Variants in NDUFA10 observed in about 807,000 individuals in gnomAD.
NDUFA10 encodes NADH dehydrogenase [ubiquinone] 1 alpha subcomplex subunit 10, mitochondrial.
A neutral mutation model predicts 47.8 loss-of-function variants in NDUFA10; 40 were observed. The ratio of observed to expected loss-of-function variants is 0.84; its 90% CI spans 0.65 to 1.09. The LOEUF is 1.09. Ranked by LOEUF, NDUFA10 falls within the 50% of genes least tolerant of loss-of-function variation. The probability of loss-of-function intolerance (pLI) is 0.00; values close to 1 mark genes in which losing one functional copy is unlikely to be tolerated. For missense variants in NDUFA10, 413 were observed against 451.1 expected (o/e 0.92, Z 0.76); for synonymous variants, 183 against 172.2 (o/e 1.06, Z -0.49).
At chr2:239,899,008 G>A (rs569656060) in intron 4 of NDUFA10, among the ~76,000 whole-genome samples, 4 of 104,156 alleles carry the variant, frequency 3.8e-5, no homozygotes, top group Admixed American at 1.0e-4. Flanking sequence ...GGAGAGGTGT[G>A]ATGGAGGGGA....
chr2:240,017,623 C>CCA (rs774591979), intron 4 of NDUFA10, among the ~76,000 whole-genome samples: 4 of 152,198 alleles, frequency 2.6e-5, no homozygotes, highest in Non-Finnish European at 5.9e-5. Flanking sequence ...AGAGAGCCTG[C>CCA]CACACCACAG....
intron 9 of NDUFA10, chr2:239,983,688 C>T (rs1457013785): frequency 6.4e-7 from 1 of 1,573,842 alleles, no homozygotes; most frequent in East Asian, 2.3e-5. Context: ...CTGTGGATTC[C>T]TCCCCAAAAC....
chr2:239,903,034 A>G (rs1233468364), intron 4 of NDUFA10, among the ~76,000 whole-genome samples: 2 of 152,192 alleles, frequency 1.3e-5, no homozygotes, highest in African/African-American at 4.8e-5. Flanking sequence ...GTGGAAAGGC[A>G]GGCCCGGAAC....
chr2:239,958,836 A>T lies in NDUFA10; in HGVS notation c.*2282T>A. The T allele has an allele frequency of 1.5e-6, 1 of 683,286 alleles. No individual in the cohort carries two copies. The highest frequency in any genetic ancestry group is 1.8e-6 in the Non-Finnish European group (1 of 554,398). 42.3% of individuals were successfully genotyped at this position (683,286 alleles called of 1,614,324 possible). On this transcript the variant is annotated 3_prime_UTR_variant, in exon 10 of 10. Coordinates refer to ENST00000252711, the MANE Select transcript of NDUFA10 (RefSeq NM_004544.4). Reference sequence around the variant, plus strand: ...TGTATGAATAAAATCCAGACACAAAACCATACTGCTGCAACAGCATGATTA... The same window carrying T: ...TGTATGAATAAAATCCAGACACAAATCCATACTGCTGCAACAGCATGATTA...
intron 4 of NDUFA10, among the ~76,000 whole-genome samples, chr2:239,899,439 GTGGAGGGTTGTGA>G (rs1422674349): frequency 2.9e-5 from 3 of 102,322 alleles, no homozygotes; most frequent in East Asian, 2.7e-4. Flanking sequence ...ATGGAGGAAT[GTGGAGGGTTGTGA>G]TGGAGGGGTG....
intron 9 of NDUFA10, among the ~76,000 whole-genome samples, chr2:239,988,727 C>A (rs1228188732): frequency 1.3e-5 from 2 of 152,232 alleles, no homozygotes; most frequent in Non-Finnish European, 2.9e-5. Context: ...CTGGCCTACA[C>A]AAGAGCAGCA....
chr2:239,993,626 T>C (rs1000058797), intron 8 of NDUFA10, among the ~76,000 whole-genome samples: 1 of 152,018 alleles, frequency 6.6e-6, no homozygotes, highest in Non-Finnish European at 1.5e-5. Flanking sequence ...AGGGTCACTG[T>C]GACTTTTTAA....
In NDUFA10 at chr2:239,915,587, CAG is replaced by C. The variant is rs773394745; in HGVS notation, c.295-20275_295-20274del. On this transcript the variant is annotated intron_variant, in intron 4 of 5. Coordinates refer to the NDUFA10 transcript ENST00000419408. ...AGACACAAATATACAGACACACACA[CAG>C]AGATACACATACACACACACACACA... Among the ~76,000 whole-genome samples the C allele has an allele frequency of 1.5e-4, 22 of 148,086 alleles. No individual in the cohort carries two copies. In the East Asian group the frequency reaches 3.4e-3, roughly 23 times the overall value.
intron 9 of NDUFA10, among the ~76,000 whole-genome samples, chr2:239,985,591 T>C (rs1018423539): frequency 2.0e-5 from 3 of 151,542 alleles, no homozygotes; most frequent in African/African-American, 4.9e-5. Context: ...AGAGAAAATA[T>C]GGCAAGAGTA....
At chr2:239,952,974 AC>A (rs1341303547), downstream of NDUFA10, among the ~76,000 whole-genome samples, 1 of 152,206 alleles carries the variant, frequency 6.6e-6, no homozygotes, top group Non-Finnish European at 1.5e-5. Flanking sequence ...CTGAAGGGCC[AC>A]CCAGAGCAGG....
chr2:240,008,599 A>G (rs1322930932), intron 6 of NDUFA10, among the ~76,000 whole-genome samples: 1 of 152,228 alleles, frequency 6.6e-6, no homozygotes, highest in Admixed American at 6.5e-5. Context: ...GCACAGAAAC[A>G]TTATTTGTTC....
At chr2:240,006,875 T>G (rs933587505) in intron 7 of NDUFA10, among the ~76,000 whole-genome samples, 2 of 152,270 alleles carry the variant, frequency 1.3e-5, no homozygotes, top group African/African-American at 4.8e-5. Flanking sequence ...AGGGCAAATG[T>G]TCTTTCGTTA....
In NDUFA10 at chr2:239,961,214, T is replaced by A. The variant is rs1326585160; in HGVS notation, c.1000-28A>T. The A allele has an allele frequency of 2.5e-6, 4 of 1,613,962 alleles. No homozygotes were observed. The East Asian group carries it at 6.7e-5, about 27-fold the overall frequency. Reference sequence around the variant, plus strand: ...GTGGGGGAAAAAGGCATTGGTGCATTCTGTTTAACGTGAATGAATGTTTCC... The same window carrying A: ...GTGGGGGAAAAAGGCATTGGTGCATACTGTTTAACGTGAATGAATGTTTCC... On this transcript the variant is annotated intron_variant, in intron 9 of 9. Transcript: ENST00000252711.
chr2:239,898,971 T>G (rs1182040120), intron 4 of NDUFA10, among the ~76,000 whole-genome samples: 1 of 113,630 alleles, frequency 8.8e-6, no homozygotes, highest in Non-Finnish European at 1.9e-5. Flanking sequence ...CAGGGTGTGA[T>G]GAAGAGGTAT....
intron 4 of NDUFA10, among the ~76,000 whole-genome samples, chr2:239,943,643 T>A (rs1202606813): frequency 6.6e-6 from 1 of 152,222 alleles, no homozygotes; most frequent in African/African-American, 2.4e-5. Flanking sequence ...ATTTTTTTAA[T>A]GTCCATGAGC....
intron 2 of NDUFA10, among the ~76,000 whole-genome samples, chr2:240,021,649 C>T (rs1280606837): frequency 3.3e-5 from 5 of 152,222 alleles, no homozygotes; most frequent in Non-Finnish European, 7.3e-5. Flanking sequence ...CAGGTTCCTC[C>T]TGAAAGGACT....
rs544512667 is a variant in NDUFA10, at chr2:239,960,753, C to T, written c.*365G>A. The T allele has an allele frequency of 3.3e-6, 4 of 1,202,994 alleles. No homozygotes were observed. The highest frequency in any genetic ancestry group is 5.1e-5 in the East Asian group (1 of 19,448). The allele number at this position is 1,202,994 out of a possible 1,614,324, so 74.5% of individuals were successfully genotyped here. A position where few individuals can be genotyped will look rare whatever the true frequency, so the allele number is the denominator to read the frequency against. ...CGATGGGGAAATTCCCATGGAAACACTTTTATTTCTGGAAGTCAGAAGAAA... is the reference window on the plus strand; with the variant it reads ...CGATGGGGAAATTCCCATGGAAACATTTTTATTTCTGGAAGTCAGAAGAAA... On this transcript the variant is annotated 3_prime_UTR_variant, in exon 10 of 10. Coordinates refer to ENST00000252711, the MANE Select transcript of NDUFA10 (RefSeq NM_004544.4).
rs1042291959 is a variant in NDUFA10, at chr2:239,928,591, C to G, written c.295-33277G>C. 2.3e-4 allele frequency among the ~76,000 whole-genome samples: 35 copies of G among 152,294 alleles called. No individual in the cohort carries two copies. The highest frequency in any genetic ancestry group is 8.2e-4 in the African/African-American group (34 of 41,544). On this transcript the variant is annotated intron_variant, in intron 4 of 5. Transcript: ENST00000419408. This position sits in a 1 kb window ranked among gnomAD's most constrained non-coding sequence, Gnocchi z 4.3. ...TGTGACAGCGACATCTCGTTTCCAACTATGCTCTCCCCACAGGTGACCTCA... is the reference window on the plus strand; with the variant it reads ...TGTGACAGCGACATCTCGTTTCCAAGTATGCTCTCCCCACAGGTGACCTCA...
In NDUFA10 at chr2:240,025,315, G is replaced by C. The variant is rs1697821735; in HGVS notation, c.-14C>G. On this transcript the variant is annotated 5_prime_UTR_variant, in exon 1 of 10. Transcript: ENST00000252711. ...CCGCAAGGCCATGGCTACCCGGTCA[G>C]CTCAGGATCAAGGACCCAAGGGGAC... 3 of 1,498,604 alleles carry C rather than the reference G, an allele frequency of 2.0e-6. No individual in the cohort carries two copies. Among genetic ancestry groups the C allele is most frequent in the Non-Finnish European group, 2.7e-6 (3 of 1,127,254 alleles). The allele number at this position is 1,498,604 out of a possible 1,614,324, so 92.8% of individuals were successfully genotyped here.
Sources: allele counts gnomAD v4.1 joint callset (sites outside exome capture counted in the v4.1 genomes callset), GRCh38; gene constraint gnomAD v4.1.1; non-coding constraint Gnocchi (gnomAD v3.1); transcripts MANE v1.5; gene names NCBI Gene and HGNC (gene_info 2026-07-23, HGNC 2026-07-21).